The following CDK6 variants were observed in gnomAD, a reference collection of about 807,000 sequenced individuals.
The protein encoded by CDK6 is cyclin dependent kinase 6, also known as cyclin-dependent kinase 6.
CDK6 carries 6 observed loss-of-function variants against 37.1 expected under a neutral mutation model. That is an observed-to-expected ratio of 0.16 (90% CI 0.09 to 0.32). The LOEUF (loss-of-function observed/expected upper bound fraction) is 0.32. Among genes scored for constraint, CDK6 ranks in the 10% least tolerant of loss-of-function variants. The pLI is 1.00. For synonymous variants in CDK6, 160 were observed against 161.3 expected, an observed-to-expected ratio of 0.99 and a Z score of 0.06; for missense variants, 224 against 418.9, an observed-to-expected ratio of 0.53 and a Z score of 4.06.
At position 92,727,190 on chromosome 7, in the gene CDK6, G is replaced by A. The variant is rs1798533126; in HGVS notation, c.370-1397C>T. On this transcript the variant is annotated intron_variant, in intron 3 of 7. Coordinates refer to ENST00000424848, the MANE Select transcript of CDK6 (RefSeq NM_001145306.2). Reference sequence around the variant, plus strand: ...CTGACCCAAATATTATAAGAATGGTGTATACAAGGGAGGATGGAGCTGTTT... The same window carrying A: ...CTGACCCAAATATTATAAGAATGGTATATACAAGGGAGGATGGAGCTGTTT... Among the ~76,000 whole-genome samples the A allele has an allele frequency of 2.6e-5, 4 of 152,186 alleles. No homozygotes were observed. The South Asian group carries it at 8.3e-4, about 31-fold the overall frequency.
chr7:92,769,096 C>A (rs1179105486), intron 3 of CDK6, among the ~76,000 whole-genome samples: 1 of 152,042 alleles, frequency 6.6e-6, no homozygotes. Flanking sequence ...CAGACATTTC[C>A]CAGAGGCAAA....
chr7:92,820,151 A>G (rs1017508822), intron 2 of CDK6, among the ~76,000 whole-genome samples: 1 of 152,158 alleles, frequency 6.6e-6, no homozygotes, highest in African/African-American at 2.4e-5. Context: ...AGGCAATTAG[A>G]AACTCCAGGA....
intron 5 of CDK6, among the ~76,000 whole-genome samples, chr7:92,639,056 A>G (rs958422112): frequency 2.0e-5 from 3 of 152,198 alleles, no homozygotes; most frequent in African/African-American, 7.2e-5. Context: ...GACTTATATC[A>G]TCTGCTTCTT....
At chr7:92,780,221 C>G (rs1799952719) in intron 2 of CDK6, among the ~76,000 whole-genome samples, 2 of 152,308 alleles carry the variant, frequency 1.3e-5, no homozygotes, top group South Asian at 4.1e-4. Flanking sequence ...ATCCACCTGC[C>G]TTGGCCTCCC....
chr7:92,665,738 T>C (rs1796942035), intron 5 of CDK6, among the ~76,000 whole-genome samples: 5 of 152,234 alleles, frequency 3.3e-5, no homozygotes, highest in Admixed American at 3.3e-4. Context: ...ATATCATTGC[T>C]GCTACATCAC....
chr7:92,792,457 G>A (rs543754319), intron 2 of CDK6, among the ~76,000 whole-genome samples: 1 of 152,196 alleles, frequency 6.6e-6, no homozygotes, highest in African/African-American at 2.4e-5. Context: ...ATTCCTAGAA[G>A]TGGCATTTTA....
At chr7:92,676,222 G>A (rs545128918) in intron 4 of CDK6, among the ~76,000 whole-genome samples, 74 of 151,166 alleles carry the variant, frequency 4.9e-4, no homozygotes, top group African/African-American at 1.7e-3. Context: ...TCTCATTTTT[G>A]CTCATCTTTA....
chr7:92,660,014 T>C (rs139559218), intron 5 of CDK6, among the ~76,000 whole-genome samples: 1 of 152,288 alleles, frequency 6.6e-6, no homozygotes, highest in East Asian at 1.9e-4. Flanking sequence ...GAAGCACAGT[T>C]TGAATTCCAT....
At chr7:92,720,801 G>A (rs1798348015) in intron 4 of CDK6, among the ~76,000 whole-genome samples, 1 of 152,124 alleles carries the variant, frequency 6.6e-6, no homozygotes, top group African/African-American at 2.4e-5. Context: ...CACATGAGAA[G>A]GACTTAGAAA....
At chr7:92,787,293 A>G (rs1258188383) in intron 2 of CDK6, among the ~76,000 whole-genome samples, 1 of 151,998 alleles carries the variant, frequency 6.6e-6, no homozygotes, top group Non-Finnish European at 1.5e-5. Flanking sequence ...CTACTGTGAG[A>G]ACCTATTAAT....
At chr7:92,703,181 A>G (rs1797895272) in intron 4 of CDK6, among the ~76,000 whole-genome samples, 1 of 152,062 alleles carries the variant, frequency 6.6e-6, no homozygotes, top group Non-Finnish European at 1.5e-5. Context: ...GAGAACTGTG[A>G]TGGGTGAGGT....
intron 2 of CDK6, among the ~76,000 whole-genome samples, chr7:92,815,579 T>C (rs1390645680): frequency 6.6e-6 from 1 of 152,158 alleles, no homozygotes; most frequent in Non-Finnish European, 1.5e-5. Flanking sequence ...GAGCCCTAGA[T>C]TGCCCTAGCT....
intron 4 of CDK6, among the ~76,000 whole-genome samples, chr7:92,678,114 A>C (rs1489461482): frequency 6.6e-6 from 1 of 152,226 alleles, no homozygotes; most frequent in Non-Finnish European, 1.5e-5. Context: ...TCAACAATAT[A>C]ATCAATTCTA....
At chr7:92,630,335 T>C (rs1181183067) in intron 5 of CDK6, among the ~76,000 whole-genome samples, 1 of 151,008 alleles carries the variant, frequency 6.6e-6, no homozygotes, top group Non-Finnish European at 1.5e-5. Context: ...CCTTATCTCT[T>C]GCTCTCCAAT....
At chr7:92,725,864 C>T (rs749662950) in intron 3 of CDK6, 71 bp from the exon 4 acceptor site, 64 of 1,406,198 alleles carry the variant, frequency 4.6e-5, no homozygotes, top group African/African-American at 8.6e-5. Context: ...TGCTGGACGC[C>T]GAATCCTTAG....
intron 5 of CDK6, among the ~76,000 whole-genome samples, chr7:92,633,250 A>G (rs2116517325): frequency 6.6e-6 from 1 of 152,312 alleles, no homozygotes; most frequent in South Asian, 2.1e-4. Context: ...CCTATCCAGC[A>G]CACTTTGGGT....
intron 2 of CDK6, among the ~76,000 whole-genome samples, chr7:92,776,433 G>A (rs1219441499): frequency 6.6e-6 from 1 of 152,168 alleles, no homozygotes; most frequent in Non-Finnish European, 1.5e-5. Flanking sequence ...TCAGTAATGG[G>A]ATCACTGGAT....
intron 3 of CDK6, among the ~76,000 whole-genome samples, chr7:92,767,058 T>C (rs1349622267): frequency 6.6e-6 from 1 of 152,182 alleles, no homozygotes; most frequent in East Asian, 1.9e-4. Flanking sequence ...CTTTAGGCTG[T>C]CTCCAACCTA....
intron 7 of CDK6, among the ~76,000 whole-genome samples, chr7:92,615,507 T>A (rs764929613): frequency 6.6e-6 from 1 of 152,242 alleles, no homozygotes; most frequent in East Asian, 1.9e-4. Flanking sequence ...GCCTATGGAC[T>A]GTTTCCTGCC....
Sources: allele counts gnomAD v4.1 joint callset (sites outside exome capture counted in the v4.1 genomes callset), GRCh38; gene constraint gnomAD v4.1.1; transcripts MANE v1.5; gene names NCBI Gene and HGNC (gene_info 2026-07-23, HGNC 2026-07-21).